Variants in MAGI1 observed in about 807,000 individuals in gnomAD.
MAGI1 encodes membrane associated guanylate kinase, WW and PDZ domain containing 1.
Under a neutral mutation model 139.9 loss-of-function variants are expected in MAGI1, and 58 were observed. The ratio of observed to expected loss-of-function variants is 0.41; its 90% confidence interval spans 0.34 to 0.52. The LOEUF is 0.52. Among genes scored for constraint, MAGI1 ranks in the 20% least tolerant of loss-of-function variants. The probability of loss-of-function intolerance (pLI) is 0.12; values close to 1 mark genes in which losing one functional copy is unlikely to be tolerated. For missense variants in MAGI1, 1,874 were observed against 1,901.6 expected (o/e 0.99, Z 0.27); for synonymous variants, 812 against 737.9 (o/e 1.10, Z -1.63).
At chr3:65,471,400 G>T (rs1950553028) in intron 4 of MAGI1, among the ~76,000 whole-genome samples, 3 of 152,270 alleles carry the variant, frequency 2.0e-5, no homozygotes, top group Admixed American at 1.3e-4. Context: ...TTCTGATTTA[G>T]CAAAAACAGA....
At chr3:65,634,040 C>A (rs1486947649) in intron 1 of MAGI1, among the ~76,000 whole-genome samples, 1 of 152,132 alleles carries the variant, frequency 6.6e-6, no homozygotes, top group Non-Finnish European at 1.5e-5. Flanking sequence ...AGCCAGATAG[C>A]AATATGAAGC....
chr3:65,908,864 A>G (rs1433789284), intron 1 of MAGI1, among the ~76,000 whole-genome samples: 5 of 152,110 alleles, frequency 3.3e-5, no homozygotes, highest in Non-Finnish European at 2.9e-5. Context: ...CTACATTTCA[A>G]TCTGCAACAC....
chr3:65,918,397 T>TTG (rs61164918), intron 1 of MAGI1, among the ~76,000 whole-genome samples: 1 of 151,062 alleles, frequency 6.6e-6, no homozygotes, highest in Non-Finnish European at 1.5e-5. Flanking sequence ...TTTTTTTTTT[T>TTG]GTGAGACGGA....
intron 1 of MAGI1, among the ~76,000 whole-genome samples, chr3:65,693,913 G>A (rs892229754): frequency 5.9e-5 from 9 of 152,050 alleles, no homozygotes; most frequent in African/African-American, 2.2e-4. Context: ...TAGAGAGGGG[G>A]TTTCACCATG....
intron 2 of MAGI1, among the ~76,000 whole-genome samples, chr3:65,582,282 G>C (rs2081470712): frequency 1.3e-5 from 2 of 152,192 alleles, no homozygotes; most frequent in Admixed American, 6.6e-5. Flanking sequence ...CAAGGAATAA[G>C]AGTCTTGTAT....
At chr3:65,504,321 T>C (rs959670953) in intron 2 of MAGI1, among the ~76,000 whole-genome samples, 2 of 152,236 alleles carry the variant, frequency 1.3e-5, no homozygotes, top group African/African-American at 2.4e-5. Flanking sequence ...ATTATGTTCA[T>C]TTAAAAAATC....
intron 1 of MAGI1, among the ~76,000 whole-genome samples, chr3:65,955,307 G>A (rs1368639377): frequency 6.6e-6 from 1 of 152,186 alleles, no homozygotes; most frequent in Non-Finnish European, 1.5e-5. Flanking sequence ...GCAGTTCAGG[G>A]CCAGCCTGGA....
intron 1 of MAGI1, among the ~76,000 whole-genome samples, chr3:65,661,830 C>G (rs2086212992): frequency 1.5e-5 from 2 of 137,338 alleles, no homozygotes; most frequent in African/African-American, 5.4e-5. Flanking sequence ...TCACTGCAAG[C>G]TCTGCCTCCT....
intron 1 of MAGI1, among the ~76,000 whole-genome samples, chr3:65,780,359 G>C (rs528877721): frequency 6.6e-6 from 1 of 152,148 alleles, no homozygotes; most frequent in Non-Finnish European, 1.5e-5. Flanking sequence ...ATTAATTTCA[G>C]TCAATGCTTA....
chr3:65,630,814 C>T (rs1291998712), intron 1 of MAGI1, among the ~76,000 whole-genome samples: 1 of 152,156 alleles, frequency 6.6e-6, no homozygotes, highest in African/African-American at 2.4e-5. Flanking sequence ...CACTAAAGAA[C>T]TCATCCATGT....
At chr3:65,435,999 T>C (rs1271425722) in intron 10 of MAGI1, among the ~76,000 whole-genome samples, 1 of 152,102 alleles carries the variant, frequency 6.6e-6, no homozygotes, top group African/African-American at 2.4e-5. Flanking sequence ...CCCACAAAAC[T>C]GAGGACTCCA....
At chr3:65,875,836 TCACAA>T (rs2060095894) in intron 1 of MAGI1, among the ~76,000 whole-genome samples, 1 of 152,198 alleles carries the variant, frequency 6.6e-6, no homozygotes, top group Non-Finnish European at 1.5e-5. Context: ...CGTTAAATTT[TCACAA>T]CACCTCCCTG....
intron 1 of MAGI1, among the ~76,000 whole-genome samples, chr3:65,861,683 T>C (rs34801398): frequency 0.019 from 2,874 of 152,142 alleles, 41 homozygotes; most frequent in Non-Finnish European, 0.029. Context: ...TCAGTCATAA[T>C]GGTGAGTGGG....
At chr3:65,955,663 GA>G (rs939165820) in intron 1 of MAGI1, among the ~76,000 whole-genome samples, 1,595 of 149,202 alleles carry the variant, frequency 0.011, 21 homozygotes, top group African/African-American at 0.033. Context: ...ATTTCCCTTG[GA>G]AAAAAAAAAT....
At chr3:65,538,050 G>T (rs181709929) in intron 2 of MAGI1, among the ~76,000 whole-genome samples, 2 of 152,272 alleles carry the variant, frequency 1.3e-5, no homozygotes, top group Admixed American at 1.3e-4. Flanking sequence ...CAGGAGAATC[G>T]CTTGAACCCA....
intron 1 of MAGI1, among the ~76,000 whole-genome samples, chr3:65,662,471 C>T (rs1482894482): frequency 1.3e-5 from 2 of 152,216 alleles, no homozygotes; most frequent in Middle Eastern, 3.2e-3. Context: ...GCCATGGCCG[C>T]GTTCCAGTAA....
At chr3:65,779,711 T>C (rs193269363) in intron 1 of MAGI1, among the ~76,000 whole-genome samples, 162 of 152,328 alleles carry the variant, frequency 1.1e-3, no homozygotes, top group Non-Finnish European at 2.0e-3. Flanking sequence ...AACAGTCTAA[T>C]AGTCTAATGA....
intron 5 of MAGI1, among the ~76,000 whole-genome samples, chr3:65,464,504 T>C (rs896702717): frequency 3.9e-5 from 6 of 152,094 alleles, no homozygotes; most frequent in East Asian, 1.9e-4. Flanking sequence ...CTTTGACCCA[T>C]AGATTATTTA....
At chr3:65,748,958 G>C (rs1437874756) in intron 1 of MAGI1, among the ~76,000 whole-genome samples, 4 of 152,168 alleles carry the variant, frequency 2.6e-5, no homozygotes, top group African/African-American at 9.7e-5. Flanking sequence ...AGTAATAGGG[G>C]TGGCAATGGT....
Sources: allele counts gnomAD v4.1 joint callset (sites outside exome capture counted in the v4.1 genomes callset), GRCh38; gene constraint gnomAD v4.1.1; transcripts MANE v1.5; gene names NCBI Gene and HGNC (gene_info 2026-07-23, HGNC 2026-07-21).